AP3D1: variants seen among roughly 807,000 people sequenced by gnomAD.
The protein encoded by AP3D1 is adaptor related protein complex 3 subunit delta 1.
In AP3D1, 51 loss-of-function variants were observed where a neutral mutation model predicts 147.6. The observed-to-expected ratio is 0.35, with a 90% CI of 0.28 to 0.44. The LOEUF (loss-of-function observed/expected upper bound fraction) is 0.44. Among genes scored for constraint, AP3D1 ranks in the 20% least tolerant of loss-of-function variants. The pLI, the probability that AP3D1 is intolerant of heterozygous loss-of-function variation, is 1.00. For missense variants in AP3D1, 1,421 were observed against 1,624.2 expected (o/e 0.87, Z 2.15); for synonymous variants, 760 against 663.0 (o/e 1.15, Z -2.25).
chr19:2,142,386 G>C (rs1421854089), intron 1 of AP3D1, among the ~76,000 whole-genome samples: 1 of 152,214 alleles, frequency 6.6e-6, no homozygotes, highest in African/African-American at 2.4e-5. Context: ...CTGGCCTCAA[G>C]TGATCCTCCC....
At chr19:2,162,926 T>C (rs1205635655) in intron 1 of AP3D1, among the ~76,000 whole-genome samples, 2 of 151,938 alleles carry the variant, frequency 1.3e-5, no homozygotes, top group Non-Finnish European at 2.9e-5. Context: ...GAAACCGCCT[T>C]TGCAAAATTA....
chr19:2,136,697 G>A (rs2019084905), intron 4 of AP3D1, among the ~76,000 whole-genome samples: 1 of 152,206 alleles, frequency 6.6e-6, no homozygotes, highest in Non-Finnish European at 1.5e-5. Context: ...GGAAGAAAGT[G>A]GGTGACCGCA....
chr19:2,103,489 A>G lies in AP3D1; in HGVS notation c.3553-1221T>C, dbSNP rs546848140. ...AGTGGGGTAACCAGAGCCCCCAGAG[A>G]GGGAGGTACGCGGGGAAAGCCACCC... is the stretch of plus-strand genomic sequence containing the variant. On this transcript the variant is annotated intron_variant, in intron 31 of 31. Transcript: ENST00000643116. 1.9e-3 allele frequency among the ~76,000 whole-genome samples: 280 copies of G among 150,866 alleles called. 2 individuals are homozygous for G. Among genetic ancestry groups the G allele is most frequent in the South Asian group, 4.0e-3 (19 of 4,782 alleles).
At chr19:2,102,585 A>G in intron 31 of AP3D1, among the ~76,000 whole-genome samples, 2 of 151,992 alleles carry the variant, frequency 1.3e-5, no homozygotes, top group East Asian at 1.9e-4. Flanking sequence ...AAAATTAGCC[A>G]GGCAGGGTGG....
chr19:2,119,368 C>T (rs1323639829), intron 14 of AP3D1, among the ~76,000 whole-genome samples: 1 of 152,136 alleles, frequency 6.6e-6, no homozygotes, highest in Non-Finnish European at 1.5e-5. Flanking sequence ...ACCAGCCTGG[C>T]CAACACGGTG....
chr19:2,148,794 T>C (rs766685340), intron 1 of AP3D1, among the ~76,000 whole-genome samples: 4 of 152,174 alleles, frequency 2.6e-5, no homozygotes, highest in Non-Finnish European at 4.4e-5. Flanking sequence ...GCTTTCAAAG[T>C]CATTGCTAAG....
Position 2,123,723 on chromosome 19 carries a change from G to A in AP3D1, c.906+107C>T, listed in dbSNP as rs550170838. 307 of 1,363,476 alleles carry A rather than the reference G, an allele frequency of 2.3e-4. 1 individual carries two copies. The African/African-American group carries it at 3.5e-3, about 16-fold the overall frequency. 84.5% of individuals were successfully genotyped at this position (1,363,476 alleles called of 1,614,324 possible). A position where few individuals can be genotyped will look rare whatever the true frequency, so the allele number is the denominator to read the frequency against. ...GTGCCCTCCCAAGCCGCAAGATGGC[G>A]TGGGGGGACCAGCACCTTGGTCACA... is the stretch of plus-strand genomic sequence containing the variant. On this transcript the variant is annotated intron_variant, in intron 10 of 31. Coordinates refer to ENST00000643116, the MANE Select transcript of AP3D1 (RefSeq NM_001261826.3).
At chr19:2,108,118 A>C (rs1300483977) in intron 31 of AP3D1, among the ~76,000 whole-genome samples, 1 of 152,188 alleles carries the variant, frequency 6.6e-6, no homozygotes, top group African/African-American at 2.4e-5. Flanking sequence ...AGTCTGCCCC[A>C]AAACAGAGAG....
At chr19:2,126,546 C>T (rs1031862592) in intron 9 of AP3D1, among the ~76,000 whole-genome samples, 7 of 149,536 alleles carry the variant, frequency 4.7e-5, no homozygotes, top group African/African-American at 1.5e-4. Context: ...CCCTGCTACT[C>T]GGGAGGCTGA....
At chr19:2,153,251 G>A (rs957227831), upstream of AP3D1, among the ~76,000 whole-genome samples, 2 of 151,748 alleles carry the variant, frequency 1.3e-5, no homozygotes, top group Non-Finnish European at 2.9e-5. Context: ...GAGGGCACCT[G>A]TAATTCCAGC....
chr19:2,121,255 C>T lies in AP3D1; in HGVS notation c.1158G>A (p.Lys386=), dbSNP rs2018603092. The T allele has an allele frequency of 6.2e-7, 1 of 1,614,210 alleles. No individual in the cohort carries two copies. The highest frequency in any genetic ancestry group is 8.5e-7 in the Non-Finnish European group (1 of 1,180,022). The change falls in exon 13 of 32, where the codon AAG becomes AAA. Residue 386 remains lysine, a synonymous_variant. Coordinates refer to ENST00000643116, the MANE Select transcript of AP3D1 (RefSeq NM_001261826.3). ...CGTCACGGTAGGTGGTACCCTCTGC[C>T]TTGTCTACGTGGGTCATCAGCTTCT... The part of the protein sequence containing the change: ...IVKKLMTHVD[K]AEGTTYRDEL...
Position 2,111,682 on chromosome 19 carries a change from G to T in AP3D1, c.2934C>A (p.Leu978=), listed in dbSNP as rs1214164725. 2 of 1,588,640 alleles carry T rather than the reference G, an allele frequency of 1.3e-6. No individual in the cohort carries two copies. Among genetic ancestry groups the T allele is most frequent in the Admixed American group, 3.5e-5 (2 of 57,346 alleles). The change falls in exon 25 of 32, where the codon CTC becomes CTA. Residue 978 remains leucine (L), a synonymous_variant. Transcript: ENST00000643116. ...GGGGCGCTGAAGTACCCCTCACCGG[G>T]AGCTGCTCCTCCTCTGGCGCGCCAT... ...VQNGAPEEEQ[L]PPESSYSLLA...
intron 28 of AP3D1, 89 bp from the exon 29 acceptor site, chr19:2,110,047 T>C: frequency 6.3e-7 from 1 of 1,586,592 alleles, no homozygotes; most frequent in Non-Finnish European, 8.6e-7. Flanking sequence ...CCACTTCCCC[T>C]AGGGACACCT....
At chr19:2,137,319 T>C (rs145775733) in intron 3 of AP3D1, among the ~76,000 whole-genome samples, 2 of 152,088 alleles carry the variant, frequency 1.3e-5, no homozygotes, top group Non-Finnish European at 2.9e-5. Context: ...TATGTGTTTT[T>C]TTTTTTTTCT....
chr19:2,151,708 C>T (rs933589315), upstream of AP3D1, among the ~76,000 whole-genome samples: 3 of 152,234 alleles, frequency 2.0e-5, no homozygotes, highest in East Asian at 1.9e-4. Flanking sequence ...GGAAATGTGG[C>T]ACCTCTTTCT....
intron 1 of AP3D1, among the ~76,000 whole-genome samples, chr19:2,141,397 C>T (rs2019215920): frequency 6.6e-6 from 1 of 151,020 alleles, no homozygotes; most frequent in Admixed American, 6.6e-5. Context: ...TAAGACAGGC[C>T]ATTTAAACCC....
chr19:2,115,823 G>A (rs1411076288), intron 18 of AP3D1, among the ~76,000 whole-genome samples: 1 of 152,256 alleles, frequency 6.6e-6, no homozygotes, highest in African/African-American at 2.4e-5. Context: ...CTTGTCACAC[G>A]AGTGACCCCA....
rs539409356 is a variant in AP3D1, at chr19:2,107,867, G to A, written c.3552+820C>T. ...TCATCACAAGGAGCAGCGCGAATAC[G>A]GCACGCACCGCCACGCGTCAACTCA... is the stretch of plus-strand genomic sequence containing the variant. On this transcript the variant is annotated intron_variant, in intron 31 of 31. Coordinates refer to ENST00000643116, the MANE Select transcript of AP3D1 (RefSeq NM_001261826.3). Among the ~76,000 whole-genome samples the A allele has an allele frequency of 7.9e-5, 12 of 152,236 alleles. No individual in the cohort carries two copies. The South Asian group carries it at 8.3e-4, about 10-fold the overall frequency.
chr19:2,124,427 G>T (rs2018695459), intron 9 of AP3D1, among the ~76,000 whole-genome samples: 1 of 152,204 alleles, frequency 6.6e-6, no homozygotes, highest in African/African-American at 2.4e-5. Flanking sequence ...CAGGCAGGCA[G>T]CGAGAAGCCG....
Sources: allele counts gnomAD v4.1 joint callset (sites outside exome capture counted in the v4.1 genomes callset), GRCh38; gene constraint gnomAD v4.1.1; transcripts MANE v1.5; gene names NCBI Gene and HGNC (gene_info 2026-07-23, HGNC 2026-07-21).